DTX2: variants seen among roughly 807,000 people sequenced by gnomAD.
DTX2 encodes probable E3 ubiquitin-protein ligase DTX2.
Under a neutral mutation model 55.3 loss-of-function variants are expected in DTX2, and 29 were observed. The observed-to-expected ratio is 0.52, with a 90% CI of 0.39 to 0.71. The LOEUF is 0.71. DTX2 is among the 30% of genes least tolerant of loss of function. The pLI is 0.00. For synonymous variants in DTX2, 276 were observed against 340.4 expected (o/e 0.81, Z 2.08); for missense variants, 537 against 822.5 (o/e 0.65, Z 4.25).
At chr7:76,494,929 C>T (rs1171053098) in intron 5 of DTX2, among the ~76,000 whole-genome samples, 4 of 101,122 alleles carry the variant, frequency 4.0e-5, no homozygotes, top group African/African-American at 1.6e-4. Context: ...ATACCATGCC[C>T]GGCTGCGGAG....
chr7:76,504,816 G>A (rs183274510), intron 10 of DTX2, among the ~76,000 whole-genome samples: 36 of 152,126 alleles, frequency 2.4e-4, no homozygotes, highest in African/African-American at 4.8e-4. Flanking sequence ...GGTTGGGGAC[G>A]AGCCTTCCAG....
chr7:76,491,687 TA>T (rs199716653), intron 4 of DTX2, among the ~76,000 whole-genome samples: 11,067 of 39,192 alleles, frequency 0.28, 840 homozygotes, highest in African/African-American at 0.34. Flanking sequence ...TCAGAGTCTT[TA>T]TTTTTTTTTT....
chr7:76,473,275 G>A (rs918655850), intron 2 of DTX2, among the ~76,000 whole-genome samples: 1 of 151,884 alleles, frequency 6.6e-6, no homozygotes, highest in Non-Finnish European at 1.5e-5. Context: ...TCTGCCCTGT[G>A]AGAAGGTCAT....
chr7:76,475,611 C>T (rs1428721689), intron 2 of DTX2, among the ~76,000 whole-genome samples: 6 of 150,860 alleles, frequency 4.0e-5, no homozygotes, highest in Non-Finnish European at 5.9e-5. Flanking sequence ...TGCTTGAACC[C>T]GGGAGGCGGA....
rs1376235388 is a variant in DTX2, at chr7:76,473,090, C to T, written c.-89-7331C>T. 2.0e-5 allele frequency among the ~76,000 whole-genome samples: 3 copies of T among 152,132 alleles called. No individual in the cohort carries two copies. The East Asian group carries it at 5.8e-4, about 29-fold the overall frequency. ...AAGCAATCCTCTTCCCTCCACCTCC[C>T]GAGTAGCTAAGATTATAGGTGTGAG... On this transcript the variant is annotated intron_variant, in intron 2 of 10. Transcript: ENST00000430490.
chr7:76,479,923 C>T (rs1276549491), intron 2 of DTX2, among the ~76,000 whole-genome samples: 6 of 150,490 alleles, frequency 4.0e-5, no homozygotes, highest in East Asian at 2.0e-4. Flanking sequence ...ACGTAGGCTG[C>T]GGGATTGACT....
In DTX2 at chr7:76,482,644, G is replaced by C; in HGVS notation, c.405G>C (p.Gln135His). The C allele has an allele frequency of 3.1e-6, 5 of 1,613,848 alleles. No homozygotes were observed. The highest frequency in any genetic ancestry group is 4.2e-6 in the Non-Finnish European group (5 of 1,179,808). Reference sequence around the variant, plus strand: ...GCGTCTGTGACTATCTGGAGCAGCAGGTGGCCAGGGGCAACCAGCTCGTGG... The same window carrying C: ...GCGTCTGTGACTATCTGGAGCAGCACGTGGCCAGGGGCAACCAGCTCGTGG... ...EASVCDYLEQ[Q>H]VARGNQLVDL... Residue 135 changes from glutamine to histidine, a missense_variant, in exon 4 of 11, where the codon CAG becomes CAC. Gln to His is a conservative substitution (Grantham distance 24). Coordinates refer to ENST00000430490, the MANE Select transcript of DTX2 (RefSeq NM_001102594.3).
At chr7:76,486,775 T>G (rs2116443285) in intron 4 of DTX2, among the ~76,000 whole-genome samples, 1 of 137,972 alleles carries the variant, frequency 7.2e-6, no homozygotes, top group East Asian at 2.3e-4. Flanking sequence ...TGTGGGCGTT[T>G]TGCTCTGTGC....
At chr7:76,495,660 A>G (rs1344887529) in intron 5 of DTX2, among the ~76,000 whole-genome samples, 1 of 149,424 alleles carries the variant, frequency 6.7e-6, no homozygotes, top group African/African-American at 2.5e-5. Context: ...CTTCCCAGGG[A>G]TCAGGCACTG....
chr7:76,505,243 T>G lies in DTX2; in HGVS notation c.1642-131T>G. ...TTGGGGTCCCTGCAGATGGGGTGAG[T>G]GCCAGGGAGTGGATGAGTCACCTGG... On this transcript the variant is annotated intron_variant, in intron 10 of 10. Transcript: ENST00000430490. This position sits in a 1 kb window ranked among gnomAD's most constrained non-coding sequence, Gnocchi z 4.4. The G allele has an allele frequency of 1.3e-6, 1 of 741,550 alleles. No individual in the cohort carries two copies. 45.9% of individuals were successfully genotyped at this position (741,550 alleles called of 1,614,324 possible). A position where few individuals can be genotyped will look rare whatever the true frequency, so the allele number is the denominator to read the frequency against.
At chr7:76,489,015 C>T (rs1810169280) in intron 4 of DTX2, among the ~76,000 whole-genome samples, 1 of 92,608 alleles carries the variant, frequency 1.1e-5, no homozygotes, top group African/African-American at 5.7e-5. Context: ...GTCCAGACTC[C>T]CTGCCCTTCT....
Position 76,492,202 on chromosome 7 carries a change from A to G in DTX2, c.958A>G (p.Thr320Ala). Residue 320 changes from threonine to alanine, a missense_variant, in exon 5 of 11, where the codon ACT (threonine) becomes GCT (alanine). By Grantham distance (58) the Thr-to-Ala change is moderately conservative. This residue lies in a region of DTX2 where 18 missense variants were observed against 65.0 expected (regional missense o/e 0.28). Transcript: ENST00000430490. ...PSSSPGSVPA[T>A]VPMQMPKPSR... is the part of the protein sequence containing the mutation. ...AAGCAGCCCAGGGAGCGTCCCTGCCACTGTGCCCATGCAGATGCCAAAGCC... is the reference window on the plus strand; with the variant it reads ...AAGCAGCCCAGGGAGCGTCCCTGCCGCTGTGCCCATGCAGATGCCAAAGCC... 1 of 1,315,350 alleles carries G rather than the reference A, an allele frequency of 7.6e-7. No homozygotes were observed. The highest frequency in any genetic ancestry group is 1.0e-6 in the Non-Finnish European group (1 of 977,532). 81.5% of individuals were successfully genotyped at this position (1,315,350 alleles called of 1,614,324 possible).
intron 5 of DTX2, among the ~76,000 whole-genome samples, chr7:76,494,786 G>A (rs1344165774): frequency 7.8e-6 from 1 of 127,608 alleles, no homozygotes; most frequent in Non-Finnish European, 1.7e-5. Flanking sequence ...CCCAATTCAA[G>A]GCCCAGTGTT....
intron 2 of DTX2, chr7:76,472,080 A>G (rs1183218491): frequency 6.6e-6 from 1 of 150,742 alleles, no homozygotes; most frequent in Non-Finnish European, 1.5e-5. Flanking sequence ...GCAAAGCCCC[A>G]TCTCGCCGTG....
At chr7:76,475,133 C>T (rs538636352) in intron 2 of DTX2, among the ~76,000 whole-genome samples, 6 of 151,460 alleles carry the variant, frequency 4.0e-5, no homozygotes, top group South Asian at 2.1e-4. Context: ...ATGGTGAAGC[C>T]GCGTCTCTAC....
At chr7:76,484,618 G>C (rs1390787609) in intron 4 of DTX2, among the ~76,000 whole-genome samples, 2 of 150,660 alleles carry the variant, frequency 1.3e-5, no homozygotes, top group African/African-American at 4.9e-5. Flanking sequence ...TCCTTTCTCC[G>C]CACTGGCCCT....
At chr7:76,498,460 C>T (rs1811182961) in intron 6 of DTX2, among the ~76,000 whole-genome samples, 1 of 149,988 alleles carries the variant, frequency 6.7e-6, no homozygotes, top group Non-Finnish European at 1.5e-5. Context: ...TCGGGTTTAC[C>T]TGGGAAGGAC....
chr7:76,481,859 T>C (rs1272564102), intron 3 of DTX2, among the ~76,000 whole-genome samples: 1 of 151,168 alleles, frequency 6.6e-6, no homozygotes, highest in Non-Finnish European at 1.5e-5. Context: ...TGTTTGTTTG[T>C]TTGTTTGTTT....
chr7:76,505,669 C>A lies in DTX2; in HGVS notation c.*68C>A. On this transcript the variant is annotated 3_prime_UTR_variant, in exon 11 of 11. Transcript: ENST00000430490. The surrounding 1 kb of genome is among the most constrained non-coding windows in gnomAD (Gnocchi z 4.4). Reference sequence around the variant, plus strand: ...CCCCATGGCTGGCTGGGTGGCCAGGCAGGAAGTGCCCAGCCCGAGAGGCTG... The same window carrying A: ...CCCCATGGCTGGCTGGGTGGCCAGGAAGGAAGTGCCCAGCCCGAGAGGCTG... 1 of 1,473,912 alleles carries A rather than the reference C, an allele frequency of 6.8e-7. No homozygotes were observed. The highest frequency in any genetic ancestry group is 9.1e-7 in the Non-Finnish European group (1 of 1,095,236). 91.3% of individuals were successfully genotyped at this position (1,473,912 alleles called of 1,614,324 possible).
Sources: allele counts gnomAD v4.1 joint callset (sites outside exome capture counted in the v4.1 genomes callset), GRCh38; gene constraint gnomAD v4.1.1; regional missense constraint gnomAD v4.1.1; non-coding constraint Gnocchi (gnomAD v3.1); transcripts MANE v1.5; gene names NCBI Gene and HGNC (gene_info 2026-07-23, HGNC 2026-07-21).